Variants in PITPNM3 observed in about 807,000 individuals in gnomAD.
The protein encoded by PITPNM3 is PITPNM family member 3.
Under a neutral mutation model 102.0 loss-of-function variants are expected in PITPNM3, and 26 were observed. The ratio of observed to expected loss-of-function variants is 0.25; its 90% CI spans 0.19 to 0.35. PITPNM3 has a LOEUF of 0.35. PITPNM3 is among the 10% of genes least tolerant of loss of function. PITPNM3 has a pLI of 1.00. For missense variants in PITPNM3, 1,083 were observed against 1,346.1 expected (o/e 0.80, Z 3.06); for synonymous variants, 578 against 558.6 (o/e 1.03, Z -0.49).
intron 1 of PITPNM3, among the ~76,000 whole-genome samples, chr17:6,549,465 G>A (rs1227827513): frequency 6.6e-6 from 1 of 152,188 alleles, no homozygotes; most frequent in Non-Finnish European, 1.5e-5. Flanking sequence ...CCCCAGTGCT[G>A]GGACCCAGCT....
intron 4 of PITPNM3, among the ~76,000 whole-genome samples, chr17:6,489,277 C>G (rs552877095): frequency 2.6e-5 from 4 of 152,168 alleles, no homozygotes; most frequent in African/African-American, 7.2e-5. Flanking sequence ...TGAGGGCCCA[C>G]TGGCTAAAGC....
At chr17:6,467,082 A>AC (rs1555551351) in intron 14 of PITPNM3, among the ~76,000 whole-genome samples, 1 of 122,842 alleles carries the variant, frequency 8.1e-6, no homozygotes, top group African/African-American at 3.6e-5. Flanking sequence ...AAAAAAAACC[A>AC]AAAAAAAAAA....
At chr17:6,545,628 C>A (rs1909980363) in intron 1 of PITPNM3, among the ~76,000 whole-genome samples, 1 of 152,366 alleles carries the variant, frequency 6.6e-6, no homozygotes, top group East Asian at 1.9e-4. Flanking sequence ...CCTCTCCAGG[C>A]CTTTCCTCCT....
intron 6 of PITPNM3, chr17:6,480,496 G>C (rs34996145): frequency 0.083 from 12,593 of 152,382 alleles, 677 homozygotes; most frequent in Middle Eastern, 0.12. Context: ...TCGGAGTGCG[G>C]TGCGCCCCAC....
At chr17:6,506,731 G>A (rs969533583) in intron 3 of PITPNM3, among the ~76,000 whole-genome samples, 1 of 152,048 alleles carries the variant, frequency 6.6e-6, no homozygotes, top group African/African-American at 2.4e-5. Context: ...ATGAGTGCAG[G>A]CCCTCCCAGG....
At chr17:6,514,356 T>C (rs1908033746) in intron 3 of PITPNM3, among the ~76,000 whole-genome samples, 1 of 147,696 alleles carries the variant, frequency 6.8e-6, no homozygotes, top group African/African-American at 2.5e-5. Flanking sequence ...AGAAAGCATA[T>C]CTGATAAGGG....
intron 11 of PITPNM3, 122 bp from the exon 12 acceptor site, chr17:6,471,477 A>G: frequency 2.0e-6 from 2 of 999,666 alleles, no homozygotes; most frequent in Admixed American, 2.8e-5. Flanking sequence ...GGCTCTGCTC[A>G]CTTGCCAGCC....
At chr17:6,473,100 A>C in intron 10 of PITPNM3, 3 of 503,440 alleles carry the variant, frequency 6.0e-6, no homozygotes, top group Non-Finnish European at 7.3e-6. Context: ...TGCTCAAAAC[A>C]TCCCTTCTCC....
At chr17:6,521,988 A>G (rs1908553812) in intron 3 of PITPNM3, among the ~76,000 whole-genome samples, 1 of 152,236 alleles carries the variant, frequency 6.6e-6, no homozygotes, top group Admixed American at 6.5e-5. Flanking sequence ...AGACAGTGAG[A>G]GAGAAAATTC....
rs1905110143 is a variant in PITPNM3, at chr17:6,472,266, T to C, written c.1429+391A>G. Among the ~76,000 whole-genome samples, 2 of 152,110 alleles carry C rather than the reference T, an allele frequency of 1.3e-5. No individual in the cohort carries two copies. Among genetic ancestry groups the C allele is most frequent in the African/African-American group, 4.8e-5 (2 of 41,420 alleles). On this transcript the variant is annotated intron_variant, in intron 11 of 19. Coordinates refer to ENST00000262483, the MANE Select transcript of PITPNM3 (RefSeq NM_031220.4). This position sits in a 1 kb window ranked among gnomAD's most constrained non-coding sequence, Gnocchi z 4.1. ...AAATGCACCTCCCCTCTCTGGACCC[T>C]AATCAAAGGCCACCTCTTCCATGAA...
chr17:6,470,398 C>G lies in PITPNM3; in HGVS notation c.1635G>C (p.Lys545Asn), dbSNP rs1270699686. The change falls in exon 13 of 20, where the codon AAG (lysine) becomes AAC (asparagine). Residue 545 changes from lysine (K) to asparagine (N), a missense_variant. By Grantham distance (94) the Lys-to-Asn change is moderately conservative. Around this residue, in one of 5 missense-constraint regions of PITPNM3, gnomAD observed 410 missense variants for 638.4 expected, o/e 0.64. Transcript: ENST00000262483. The surrounding 1 kb of genome is among the most constrained non-coding windows in gnomAD (Gnocchi z 4.8). Reference sequence around the variant, plus strand: ...AGTCGATCCTCTTGCTTCCCCACCACTTGGCTGTGACTGTGGGTCGGAGAG... The same window carrying G: ...AGTCGATCCTCTTGCTTCCCCACCAGTTGGCTGTGACTGTGGGTCGGAGAG... ...APVGASRITA[K>N]WWGSKRIDYA... 1 of 1,614,028 alleles carries G rather than the reference C, an allele frequency of 6.2e-7. No homozygotes were observed. Among genetic ancestry groups the G allele is most frequent in the African/African-American group, 1.3e-5 (1 of 74,944 alleles).
intron 3 of PITPNM3, among the ~76,000 whole-genome samples, chr17:6,520,410 A>C (rs1298684919): frequency 6.6e-6 from 1 of 152,232 alleles, no homozygotes; most frequent in Admixed American, 6.5e-5. Context: ...ATTATGGTAC[A>C]ACTATAGTAG....
intron 14 of PITPNM3, among the ~76,000 whole-genome samples, chr17:6,465,050 GT>G (rs967303425): frequency 2.6e-4 from 40 of 152,038 alleles, no homozygotes; most frequent in African/African-American, 9.4e-4. Context: ...TGTTTGTTTT[GT>G]TTTTTGTTTT....
chr17:6,525,372 T>C lies in PITPNM3; in HGVS notation c.210A>G (p.Lys70=), dbSNP rs1313528819. The change falls in exon 3 of 20, where the codon AAA becomes AAG. Residue 70 remains lysine (K), a synonymous_variant. Transcript: ENST00000262483. ...DLVEQIETMG[K]LDEHQGEGTA... ...GAGTCTCACCTTGATGCTCGTCCAG[T>C]TTCCCCATGGTCTCGATCTGCTCCA... The C allele has an allele frequency of 3.7e-6, 6 of 1,614,038 alleles. No homozygotes were observed. The highest frequency in any genetic ancestry group is 5.1e-6 in the Non-Finnish European group (6 of 1,180,002).
chr17:6,510,776 C>A (rs957301834), intron 3 of PITPNM3, among the ~76,000 whole-genome samples: 1 of 152,220 alleles, frequency 6.6e-6, no homozygotes, highest in Non-Finnish European at 1.5e-5. Context: ...CTCAGCTGTG[C>A]TGGGCATGAG....
intron 4 of PITPNM3, among the ~76,000 whole-genome samples, chr17:6,495,939 C>T (rs1906782744): frequency 6.6e-6 from 1 of 152,192 alleles, no homozygotes; most frequent in Non-Finnish European, 1.5e-5. Context: ...CCCGACTCAG[C>T]CCGAGGCCGA....
chr17:6,491,627 T>C (rs559595260), intron 4 of PITPNM3, among the ~76,000 whole-genome samples: 1 of 152,140 alleles, frequency 6.6e-6, no homozygotes, highest in African/African-American at 2.4e-5. Flanking sequence ...TAAAAGCCAC[T>C]GAGCTTGTTC....
At chr17:6,536,714 C>T (rs773058796) in intron 2 of PITPNM3, among the ~76,000 whole-genome samples, 2 of 152,222 alleles carry the variant, frequency 1.3e-5, no homozygotes, top group Non-Finnish European at 2.9e-5. Flanking sequence ...GAGACCACAT[C>T]CCAAGTGTCC....
rs372615562 is a variant in PITPNM3, at chr17:6,537,608, C to T, written c.118+379G>A. 2.6e-5 allele frequency among the ~76,000 whole-genome samples: 4 copies of T among 152,314 alleles called. No homozygotes were observed. The highest frequency in any genetic ancestry group is 3.9e-4 in the East Asian group (2 of 5,166). ...GCCTGACTGTTCTCTCTTACAACAG[C>T]TGGCACTTTTACTTAGCAGCGGCAC... is the stretch of plus-strand genomic sequence containing the variant. On this transcript the variant is annotated intron_variant, in intron 2 of 19. Coordinates refer to ENST00000262483, the MANE Select transcript of PITPNM3 (RefSeq NM_031220.4). This position sits in a 1 kb window ranked among gnomAD's most constrained non-coding sequence, Gnocchi z 4.4.
Sources: allele counts gnomAD v4.1 joint callset (sites outside exome capture counted in the v4.1 genomes callset), GRCh38; gene constraint gnomAD v4.1.1; regional missense constraint gnomAD v4.1.1; non-coding constraint Gnocchi (gnomAD v3.1); transcripts MANE v1.5; gene names NCBI Gene and HGNC (gene_info 2026-07-23, HGNC 2026-07-21).